The following PRIM2 variants were observed in gnomAD, a reference collection of about 807,000 sequenced individuals.
The protein encoded by PRIM2 is DNA primase large subunit.
In PRIM2, 39 loss-of-function variants were observed where a neutral mutation model predicts 67.3. That is an observed-to-expected ratio of 0.58 (90% CI 0.45 to 0.76). PRIM2 has a LOEUF of 0.76. Ranked by LOEUF, PRIM2 falls within the 30% of genes least tolerant of loss-of-function variation. The pLI is 0.00. For missense variants in PRIM2, 398 were observed against 598.7 expected (o/e 0.66, Z 3.50); for synonymous variants, 143 against 198.7 (o/e 0.72, Z 2.36).
At chr6:57,471,015 AAATTAT>A (rs1229580898) in intron 7 of PRIM2, among the ~76,000 whole-genome samples, 3 of 152,240 alleles carry the variant, frequency 2.0e-5, no homozygotes, top group African/African-American at 7.2e-5. Context: ...CATTGGTGGG[AAATTAT>A]AATTATAGCA....
chr6:57,253,044 A>G, the PRIM2 span, among the ~76,000 whole-genome samples: 1 of 152,188 alleles, frequency 6.6e-6, no homozygotes, highest in Admixed American at 6.5e-5. Context: ...CATTCCTGTG[A>G]CTCAAGAGTG....
At chr6:57,317,409 C>T (rs1445993535), upstream of PRIM2, among the ~76,000 whole-genome samples, 1 of 152,140 alleles carries the variant, frequency 6.6e-6, no homozygotes, top group East Asian at 1.9e-4. Flanking sequence ...TTAAAGCTAC[C>T]GACTCCACAT....
the PRIM2 span, among the ~76,000 whole-genome samples, chr6:57,238,992 T>C: frequency 6.6e-6 from 1 of 152,084 alleles, no homozygotes; most frequent in Non-Finnish European, 1.5e-5. Flanking sequence ...TTTCTTTTTT[T>C]ATTTTTTTTT....
At chr6:57,229,711 C>T in the PRIM2 span, among the ~76,000 whole-genome samples, 2 of 152,228 alleles carry the variant, frequency 1.3e-5, no homozygotes, top group Middle Eastern at 3.4e-3. Flanking sequence ...AGGCTGATCT[C>T]GAATACCTGA....
chr6:57,433,872 C>A (rs1318063036), intron 7 of PRIM2, among the ~76,000 whole-genome samples: 1 of 151,406 alleles, frequency 6.6e-6, no homozygotes, highest in Non-Finnish European at 1.5e-5. Flanking sequence ...GGGTTTGAAT[C>A]CTGCTTTCTC....
At chr6:57,529,001 C>T (rs1411736919) in intron 8 of PRIM2, among the ~76,000 whole-genome samples, 1 of 152,138 alleles carries the variant, frequency 6.6e-6, no homozygotes, top group African/African-American at 2.4e-5. Flanking sequence ...TCCCAGTTTG[C>T]AGAACTGGTA....
chr6:57,594,025 A>T (rs1414031818), intron 10 of PRIM2, among the ~76,000 whole-genome samples: 1 of 152,186 alleles, frequency 6.6e-6, no homozygotes, highest in Non-Finnish European at 1.5e-5. Context: ...ATTAAATTCA[A>T]TTCTTACCTA....
chr6:57,483,963 A>G (rs1773686768), intron 7 of PRIM2, among the ~76,000 whole-genome samples: 1 of 152,212 alleles, frequency 6.6e-6, no homozygotes, highest in South Asian at 2.1e-4. Context: ...AAAAAAGGTA[A>G]ATAAAGTGGC....
At chr6:57,309,305 C>A in the PRIM2 span, among the ~76,000 whole-genome samples, 6 of 123,564 alleles carry the variant, frequency 4.9e-5, no homozygotes, top group Admixed American at 1.9e-4. Context: ...CCCACCCCAC[C>A]ACAGTCCCCA....
chr6:57,320,455 A>G lies in PRIM2; in HGVS notation c.155-2A>G. The G allele has an allele frequency of 6.4e-7, 1 of 1,569,168 alleles. No individual in the cohort carries two copies. The highest frequency in any genetic ancestry group is 8.6e-7 in the Non-Finnish European group (1 of 1,159,872). ...CATTTATACCTTTTTTCTTTTTTTTAGTGTTAAAATCAGTTGAAAATCTTG... is the reference window on the plus strand; with the variant it reads ...CATTTATACCTTTTTTCTTTTTTTTGGTGTTAAAATCAGTTGAAAATCTTG... On this transcript the variant is annotated splice_acceptor_variant, in intron 2 of 13. Coordinates refer to ENST00000615550, the MANE Select transcript of PRIM2 (RefSeq NM_000947.5). LOFTEE classifies it high-confidence loss of function.
the PRIM2 span, among the ~76,000 whole-genome samples, chr6:57,284,187 T>C: frequency 6.6e-6 from 1 of 152,166 alleles, no homozygotes; most frequent in African/African-American, 2.4e-5. Context: ...GAGTCTCTAC[T>C]TGGGAGAATA....
At chr6:57,294,520 C>G in the PRIM2 span, among the ~76,000 whole-genome samples, 1 of 151,668 alleles carries the variant, frequency 6.6e-6, no homozygotes, top group Non-Finnish European at 1.5e-5. Context: ...CAAAACAGAA[C>G]AAAAGCAGTA....
intron 7 of PRIM2, among the ~76,000 whole-genome samples, chr6:57,435,533 C>T (rs1020250264): frequency 1.3e-5 from 2 of 152,176 alleles, no homozygotes; most frequent in Non-Finnish European, 2.9e-5. Context: ...AAAGAAGAAA[C>T]ATCATAAAAG....
chr6:57,476,707 A>G (rs1773486157), intron 7 of PRIM2, among the ~76,000 whole-genome samples: 1 of 152,142 alleles, frequency 6.6e-6, no homozygotes, highest in South Asian at 2.1e-4. Context: ...TGGTTATAAT[A>G]TTGTGTAGTA....
At chr6:57,426,099 A>G (rs1167439526) in intron 7 of PRIM2, among the ~76,000 whole-genome samples, 1 of 152,218 alleles carries the variant, frequency 6.6e-6, no homozygotes, top group Non-Finnish European at 1.5e-5. Context: ...TATACTTTAC[A>G]TATAATAATC....
chr6:57,370,216 C>T (rs1769497485), intron 5 of PRIM2, among the ~76,000 whole-genome samples: 1 of 152,136 alleles, frequency 6.6e-6, no homozygotes, highest in Non-Finnish European at 1.5e-5. Context: ...TTAATCTTGT[C>T]TTGCTCTTTC....
the PRIM2 span, among the ~76,000 whole-genome samples, chr6:57,254,496 C>T: frequency 6.6e-6 from 1 of 152,180 alleles, no homozygotes; most frequent in East Asian, 1.9e-4. Context: ...ACTGTTTCAG[C>T]ACTGACGGAG....
intron 10 of PRIM2, among the ~76,000 whole-genome samples, chr6:57,553,208 A>G (rs1167420476): frequency 2.0e-5 from 3 of 152,114 alleles, no homozygotes; most frequent in Non-Finnish European, 4.4e-5. Flanking sequence ...ATAGAATAAT[A>G]CTGTTAAACC....
chr6:57,258,061 C>A, the PRIM2 span, among the ~76,000 whole-genome samples: 1 of 152,114 alleles, frequency 6.6e-6, no homozygotes, highest in Non-Finnish European at 1.5e-5. Flanking sequence ...TTTTTCTCTT[C>A]TCTGTCTCTT....
Sources: gnomAD v4.1 joint callset for allele counts (sites outside exome capture counted in the v4.1 genomes callset) on GRCh38, gnomAD v4.1.1 for gene constraint, MANE v1.5 for transcripts, NCBI Gene and HGNC (gene_info 2026-07-23, HGNC 2026-07-21) for gene names.